The following LEPROTL1 variants were observed in gnomAD, a reference collection of about 807,000 sequenced individuals.
LEPROTL1 encodes the protein leptin receptor overlapping transcript-like 1.
In LEPROTL1, 6 loss-of-function variants were observed where a neutral mutation model predicts 15.4. That is an observed-to-expected ratio of 0.39 (90% CI 0.21 to 0.77). The LOEUF is 0.77. Ranked by LOEUF, LEPROTL1 falls within the 30% of genes least tolerant of loss-of-function variation. The pLI is 0.41. For synonymous variants in LEPROTL1, 56 were observed against 52.6 expected (o/e 1.06, Z -0.28); for missense variants, 128 against 158.1 (o/e 0.81, Z 1.02).
At chr8:30,103,078 T>G (rs1802499662) in intron 2 of LEPROTL1, among the ~76,000 whole-genome samples, 1 of 152,232 alleles carries the variant, frequency 6.6e-6, no homozygotes, top group Admixed American at 6.5e-5. Flanking sequence ...TTTTTGTTTT[T>G]GTTTTGTTGT....
At chr8:30,126,143 C>G (rs1296554301) in intron 3 of LEPROTL1, among the ~76,000 whole-genome samples, 1 of 152,106 alleles carries the variant, frequency 6.6e-6, no homozygotes, top group African/African-American at 2.4e-5. Flanking sequence ...TATAATCTTG[C>G]CTGCCACTCA....
chr8:30,106,804 C>G lies in LEPROTL1; in HGVS notation c.*942C>G. 1.0e-6 allele frequency: 1 copy of G among 984,716 alleles called. No homozygotes were observed. The highest frequency in any genetic ancestry group is 1.2e-6 in the Non-Finnish European group (1 of 828,982). The allele number at this position is 984,716 out of a possible 1,614,324, so 61.0% of individuals were successfully genotyped here. ...CAGTTGTATGTTTGCATCATATATGCCAGAAAACCTTCCTCTGCTTCCTCC... is the reference window on the plus strand; with the variant it reads ...CAGTTGTATGTTTGCATCATATATGGCAGAAAACCTTCCTCTGCTTCCTCC... On this transcript the variant is annotated 3_prime_UTR_variant, in exon 4 of 4. Transcript: ENST00000321250.
At chr8:30,126,814 GA>G (rs1461240718) in intron 3 of LEPROTL1, among the ~76,000 whole-genome samples, 1 of 152,134 alleles carries the variant, frequency 6.6e-6, no homozygotes, top group African/African-American at 2.4e-5. Flanking sequence ...GAGGCGGGAG[GA>G]TCACTTGAGG....
At chr8:30,132,772 C>T (rs142363651) in intron 4 of LEPROTL1, 1 of 1,551,746 alleles carries the variant, frequency 6.4e-7, no homozygotes, top group Non-Finnish European at 8.7e-7. Flanking sequence ...CAGTGCCTTA[C>T]ACACATGCTC....
chr8:30,129,589 C>G (rs988936745), intron 3 of LEPROTL1, among the ~76,000 whole-genome samples: 2 of 151,946 alleles, frequency 1.3e-5, no homozygotes, highest in African/African-American at 4.8e-5. Context: ...CCCGTAGTCC[C>G]AGCTACTTGG....
At chr8:30,095,702 C>G (rs1367146936) in intron 1 of LEPROTL1, 174 bp downstream of exon 1, 4 of 694,824 alleles carry the variant, frequency 5.8e-6, no homozygotes, top group Non-Finnish European at 9.8e-6. Context: ...GGGCGCGGCG[C>G]CCTCGGGCAA....
At chr8:30,110,195 C>T (rs903891608), downstream of LEPROTL1, among the ~76,000 whole-genome samples, 15 of 152,326 alleles carry the variant, frequency 9.8e-5, no homozygotes, top group African/African-American at 3.4e-4. Flanking sequence ...TGCCCATACA[C>T]ATGGTTAGTC....
intron 3 of LEPROTL1, among the ~76,000 whole-genome samples, chr8:30,127,025 GTGAGACTGTGTC>G (rs889848320): frequency 1.3e-5 from 2 of 151,852 alleles, no homozygotes; most frequent in African/African-American, 4.8e-5. Context: ...GGGTGACAGA[GTGAGACTGTGTC>G]TGAAAAAAAA....
Position 30,136,801 on chromosome 8 carries a change from T to C in LEPROTL1, c.395-471T>C, listed in dbSNP as rs528395926. ...TGGAGTGCAGTGATGCGATCTCCTG[T>C]CTCAGCCTCCCGAGTAGCTGGGATT... On this transcript the variant is annotated intron_variant, in intron 4 of 4. Coordinates refer to the LEPROTL1 transcript ENST00000442880. Among the ~76,000 whole-genome samples the C allele has an allele frequency of 3.7e-4, 56 of 151,450 alleles. 1 individual carries two copies. The highest frequency in any genetic ancestry group is 1.3e-3 in the African/African-American group (53 of 41,114).
intron 3 of LEPROTL1, among the ~76,000 whole-genome samples, chr8:30,126,891 T>A (rs1321633059): frequency 6.6e-6 from 1 of 152,104 alleles, no homozygotes; most frequent in East Asian, 1.9e-4. Context: ...TACAAAAAAA[T>A]TAGCTGGATA....
At chr8:30,103,696 C>T (rs1305147056) in intron 2 of LEPROTL1, among the ~76,000 whole-genome samples, 3 of 149,276 alleles carry the variant, frequency 2.0e-5, no homozygotes, top group South Asian at 2.1e-4. Context: ...GAGCCGAGAT[C>T]ATGCCACTGC....
chr8:30,137,406 C>T (rs890917356), exon 5 of LEPROTL1: 35 of 1,551,584 alleles, frequency 2.3e-5, no homozygotes, highest in Non-Finnish European at 2.9e-5. Flanking sequence ...CCACTCAACC[C>T]GTGCTGAGGC....
intron 1 of LEPROTL1, among the ~76,000 whole-genome samples, chr8:30,101,670 C>A (rs1019124275): frequency 3.8e-5 from 2 of 52,708 alleles, no homozygotes; most frequent in Admixed American, 2.9e-4. Context: ...CTCCATCTCA[C>A]AAAAAAAAAA....
chr8:30,120,281 TAACA>T (rs1330087493), intron 3 of LEPROTL1, among the ~76,000 whole-genome samples: 1 of 151,920 alleles, frequency 6.6e-6, no homozygotes, highest in Admixed American at 6.6e-5. Context: ...GCTTCCTCCA[TAACA>T]AACATAAAAG....
Position 30,104,281 on chromosome 8 carries a change from C to A in LEPROTL1, c.93-19C>A. 2 of 1,409,382 alleles carry A rather than the reference C, an allele frequency of 1.4e-6. No individual in the cohort carries two copies. The highest frequency in any genetic ancestry group is 1.9e-6 in the Non-Finnish European group (2 of 1,051,264). 87.3% of individuals were successfully genotyped at this position (1,409,382 alleles called of 1,614,324 possible). Reference sequence around the variant, plus strand: ...AATGACATAGCAAAAATTACATTAACTTATTTTTCTTTTTCTAGCAAATAC... The same window carrying A: ...AATGACATAGCAAAAATTACATTAAATTATTTTTCTTTTTCTAGCAAATAC... On this transcript the variant is annotated intron_variant, in intron 2 of 3. Transcript: ENST00000321250.
At chr8:30,125,187 T>C (rs1226130588) in intron 3 of LEPROTL1, among the ~76,000 whole-genome samples, 6 of 152,182 alleles carry the variant, frequency 3.9e-5, no homozygotes, top group Non-Finnish European at 8.8e-5. Context: ...CAAAAATACT[T>C]CCTTAGAAAT....
At chr8:30,127,989 T>C (rs769266003) in intron 3 of LEPROTL1, among the ~76,000 whole-genome samples, 1 of 151,796 alleles carries the variant, frequency 6.6e-6, no homozygotes, top group Non-Finnish European at 1.5e-5. Context: ...TAATGAAGGA[T>C]AGGGAAACTG....
At chr8:30,110,508 C>T (rs12681049), downstream of LEPROTL1, among the ~76,000 whole-genome samples, 1,996 of 151,982 alleles carry the variant, frequency 0.013, 44 homozygotes, top group East Asian at 0.072. Flanking sequence ...GGGGGCGGTG[C>T]GGATCACTTG....
intron 4 of LEPROTL1, chr8:30,137,236 C>G: frequency 3.2e-5 from 47 of 1,481,544 alleles, no homozygotes; most frequent in Non-Finnish European, 4.2e-5. Flanking sequence ...CAACACTTCT[C>G]TAGACTGTAA....
Sources: gnomAD v4.1 joint callset for allele counts (sites outside exome capture counted in the v4.1 genomes callset) on GRCh38, gnomAD v4.1.1 for gene constraint, MANE v1.5 for transcripts, NCBI Gene and HGNC (gene_info 2026-07-23, HGNC 2026-07-21) for gene names.